JDP2: variants seen among roughly 807,000 people sequenced by gnomAD.
JDP2 encodes Jun dimerization protein 2.
A neutral mutation model predicts 17.1 loss-of-function variants in JDP2; 9 were observed. The ratio of observed to expected loss-of-function variants is 0.53; its 90% CI spans 0.32 to 0.92. JDP2 has a LOEUF of 0.92. Ranked by LOEUF, JDP2 falls within the 40% of genes least tolerant of loss-of-function variation. The pLI, the probability that JDP2 is intolerant of heterozygous loss-of-function variation, is 0.04. For synonymous variants in JDP2, 107 were observed against 95.6 expected, an observed-to-expected ratio of 1.12 and a Z score of -0.69; for missense variants, 179 against 220.0, an observed-to-expected ratio of 0.81 and a Z score of 1.18.
intron 1 of JDP2, among the ~76,000 whole-genome samples, chr14:75,431,641 A>T (rs11627913): frequency 0.098 from 14,914 of 152,218 alleles, 835 homozygotes; most frequent in Middle Eastern, 0.18. Context: ...TGCACCTTCT[A>T]CCCAGCCCTG....
chr14:75,442,037 C>T (rs185295538), intron 2 of JDP2, among the ~76,000 whole-genome samples: 19 of 152,158 alleles, frequency 1.2e-4, no homozygotes, highest in Non-Finnish European at 2.1e-4. Flanking sequence ...CCTCTCGCCA[C>T]GTCTCGGTGC....
At chr14:75,438,265 C>G (rs1488254878) in intron 2 of JDP2, 144 bp downstream of exon 2, 1 of 622,294 alleles carries the variant, frequency 1.6e-6, no homozygotes, top group African/African-American at 1.8e-5. Flanking sequence ...AATCCCAGGC[C>G]TCGCCCCAGG....
At chr14:75,458,343 C>T (rs1167107889) in intron 2 of JDP2, among the ~76,000 whole-genome samples, 2 of 152,024 alleles carry the variant, frequency 1.3e-5, no homozygotes, top group Non-Finnish European at 2.9e-5. Flanking sequence ...TCAAGTAGGC[C>T]CCAGTGTGTG....
intron 3 of JDP2, among the ~76,000 whole-genome samples, chr14:75,468,168 A>G (rs1886651353): frequency 6.6e-6 from 1 of 152,132 alleles, no homozygotes; most frequent in Admixed American, 6.5e-5. Context: ...TTTGACTGAT[A>G]CAAGTTGCTC....
chr14:75,450,698 G>A (rs1232260802), intron 2 of JDP2, among the ~76,000 whole-genome samples: 1 of 152,252 alleles, frequency 6.6e-6, no homozygotes, highest in African/African-American at 2.4e-5. Context: ...CTTGGAGTCA[G>A]GAGTGTCTGG....
chr14:75,454,232 G>A (rs957683017), intron 2 of JDP2, among the ~76,000 whole-genome samples: 8 of 151,910 alleles, frequency 5.3e-5, no homozygotes, highest in African/African-American at 9.7e-5. Flanking sequence ...GTGCAATAAC[G>A]TTTTTTAAAA....
At chr14:75,458,926 G>C (rs747798042) in intron 2 of JDP2, among the ~76,000 whole-genome samples, 1 of 152,224 alleles carries the variant, frequency 6.6e-6, no homozygotes, top group Non-Finnish European at 1.5e-5. Flanking sequence ...TGGCTGGAGA[G>C]GGGAGGAGGA....
chr14:75,438,554 T>C (rs1171835324), intron 2 of JDP2, among the ~76,000 whole-genome samples: 2 of 152,216 alleles, frequency 1.3e-5, no homozygotes, highest in African/African-American at 2.4e-5. Context: ...AAAATTGTTA[T>C]CATTAGTCAC....
At chr14:75,433,012 A>C (rs1884880973) in intron 1 of JDP2, among the ~76,000 whole-genome samples, 1 of 150,878 alleles carries the variant, frequency 6.6e-6, no homozygotes, top group East Asian at 2.0e-4. Context: ...GACCAGCCTG[A>C]CCAACATGGA....
intron 2 of JDP2, among the ~76,000 whole-genome samples, chr14:75,444,843 A>T (rs1368413309): frequency 2.0e-5 from 3 of 152,208 alleles, no homozygotes; most frequent in African/African-American, 7.2e-5. Context: ...AAGCAAGCAG[A>T]CTTTCCAGTT....
At chr14:75,440,464 G>A (rs565235044) in intron 2 of JDP2, among the ~76,000 whole-genome samples, 17 of 152,312 alleles carry the variant, frequency 1.1e-4, no homozygotes, top group Middle Eastern at 3.4e-3. Context: ...TGCCTTGAGC[G>A]GATTTTCATA....
intron 2 of JDP2, among the ~76,000 whole-genome samples, chr14:75,457,881 G>A (rs139223934): frequency 4.1e-4 from 63 of 152,376 alleles, no homozygotes; most frequent in Admixed American, 1.4e-3. Flanking sequence ...TCCCGTGAGC[G>A]CTGGGGAAAA....
intron 2 of JDP2, among the ~76,000 whole-genome samples, chr14:75,452,567 G>A (rs928478739): frequency 6.6e-6 from 1 of 152,206 alleles, no homozygotes; most frequent in Admixed American, 6.5e-5. Flanking sequence ...GCCCACAGAT[G>A]TGTTTTGTTT....
At chr14:75,445,502 A>C in intron 2 of JDP2, 1 of 985,380 alleles carries the variant, frequency 1.0e-6, no homozygotes, top group Non-Finnish European at 1.2e-6. Flanking sequence ...CCCGCGAATA[A>C]AAACCCTTGC....
chr14:75,441,545 A>G (rs1193716691), intron 2 of JDP2, among the ~76,000 whole-genome samples: 1 of 152,202 alleles, frequency 6.6e-6, no homozygotes, highest in East Asian at 1.9e-4. Context: ...ATCCAAAAGT[A>G]AGCAAATTAA....
At chr14:75,462,154 G>C (rs1192034166) in intron 3 of JDP2, among the ~76,000 whole-genome samples, 1 of 152,142 alleles carries the variant, frequency 6.6e-6, no homozygotes, top group Non-Finnish European at 1.5e-5. Context: ...CTTTCATTTG[G>C]AATGTGCCAA....
chr14:75,445,211 A>C (rs1163574797), intron 2 of JDP2: 2 of 985,304 alleles, frequency 2.0e-6, no homozygotes. Context: ...CAAAAGGCAC[A>C]AGGCAACCTG....
intron 1 of JDP2, among the ~76,000 whole-genome samples, chr14:75,436,466 A>G (rs1231236352): frequency 2.6e-5 from 4 of 152,258 alleles, no homozygotes; most frequent in Non-Finnish European, 4.4e-5. Context: ...GCCAGCGAAT[A>G]TTTTGATTTT....
chr14:75,437,630 A>C (rs1885128383), intron 1 of JDP2, among the ~76,000 whole-genome samples: 1 of 152,226 alleles, frequency 6.6e-6, no homozygotes, highest in Admixed American at 6.5e-5. Context: ...GGCTGAATAC[A>C]TGTTGCCTAT....
Sources: gnomAD v4.1 joint callset for allele counts (sites outside exome capture counted in the v4.1 genomes callset) on GRCh38, gnomAD v4.1.1 for gene constraint, MANE v1.5 for transcripts, NCBI Gene and HGNC (gene_info 2026-07-23, HGNC 2026-07-21) for gene names.